The following NAP1L4 variants were observed in gnomAD, a reference collection of about 807,000 sequenced individuals.
NAP1L4 encodes nucleosome assembly protein 1-like 4.
A neutral mutation model predicts 58.2 loss-of-function variants in NAP1L4; 15 were observed. That is an observed-to-expected ratio of 0.26 (90% CI 0.17 to 0.40). NAP1L4 has a LOEUF of 0.40. Ranked by LOEUF, NAP1L4 falls within the 10% of genes least tolerant of loss-of-function variation. NAP1L4 has a pLI of 1.00. For missense variants in NAP1L4, 384 were observed against 451.1 expected (o/e 0.85, Z 1.35); for synonymous variants, 171 against 155.6 (o/e 1.10, Z -0.74).
chr11:2,959,674 C>T lies in NAP1L4; in HGVS notation c.746+96G>A, dbSNP rs561953272. 1.4e-4 allele frequency: 203 copies of T among 1,439,384 alleles called. No homozygotes were observed. The highest frequency in any genetic ancestry group is 6.9e-4 in the African/African-American group (49 of 70,630). The allele number at this position is 1,439,384 out of a possible 1,614,324, so 89.2% of individuals were successfully genotyped here. A position where few individuals can be genotyped will look rare whatever the true frequency, so the allele number is the denominator to read the frequency against. On this transcript the variant is annotated intron_variant, in intron 9 of 15. Transcript: ENST00000380542. This position sits in a 1 kb window ranked among gnomAD's most constrained non-coding sequence, Gnocchi z 4.9. Reference sequence around the variant, plus strand: ...TTTAGGCTTTTAAGCAGACTCAAGACTGTACTTTATTCCTTACTTCTATCT... The same window carrying T: ...TTTAGGCTTTTAAGCAGACTCAAGATTGTACTTTATTCCTTACTTCTATCT...
intron 1 of NAP1L4, chr11:2,989,312 A>T (rs997184306): frequency 2.0e-5 from 3 of 152,212 alleles, no homozygotes; most frequent in Non-Finnish European, 4.4e-5. Context: ...TAGCAATCTC[A>T]GGCCAAACTC....
At chr11:2,979,601 C>T (rs1437507087) in intron 1 of NAP1L4, among the ~76,000 whole-genome samples, 1 of 151,938 alleles carries the variant, frequency 6.6e-6, no homozygotes, top group African/African-American at 2.4e-5. Context: ...GGTGAAACCC[C>T]ATCTCTACTA....
chr11:2,957,862 A>C (rs907164182), intron 10 of NAP1L4, among the ~76,000 whole-genome samples: 3 of 152,252 alleles, frequency 2.0e-5, no homozygotes, highest in African/African-American at 7.2e-5. Flanking sequence ...AAATTCTATC[A>C]AATTATGCAT....
intron 4 of NAP1L4, among the ~76,000 whole-genome samples, chr11:2,972,728 C>T (rs1055394658): frequency 3.3e-5 from 5 of 152,198 alleles, no homozygotes; most frequent in Non-Finnish European, 5.9e-5. Flanking sequence ...TCCCACCACT[C>T]TGGGAGGCCA....
rs1320406290 is a variant in NAP1L4 at position 2,971,736 on chromosome 11, A to T, written c.316-202T>A. Among the ~76,000 whole-genome samples, 1 of 152,216 alleles carries T rather than the reference A, an allele frequency of 6.6e-6. No individual in the cohort carries two copies. The highest frequency in any genetic ancestry group is 1.5e-5 in the Non-Finnish European group (1 of 68,042). ...CCTGGATGTTTCACCTAAAGATGTA[A>T]AATAAAGACAGTCCCCGATTTCCAA... On this transcript the variant is annotated intron_variant, in intron 5 of 15. Transcript: ENST00000380542. This position sits in a 1 kb window ranked among gnomAD's most constrained non-coding sequence, Gnocchi z 4.2.
rs8505 is a variant in NAP1L4, at chr11:2,945,063, C to G, written c.*616G>C. Reference sequence around the variant, plus strand: ...CCCACCCCTAAAAAAAAAAAAAAATCAAGAAGCAACATCCTAAGGAGAACA... The same window carrying G: ...CCCACCCCTAAAAAAAAAAAAAAATGAAGAAGCAACATCCTAAGGAGAACA... On this transcript the variant is annotated 3_prime_UTR_variant, in exon 16 of 16. Coordinates refer to ENST00000380542, the MANE Select transcript of NAP1L4 (RefSeq NM_005969.4). 0.25 allele frequency: 37,812 copies of G among 151,564 alleles called. 6,391 individuals carry two copies. The highest frequency in any genetic ancestry group is 0.67 in the East Asian group (3,463 of 5,158). 9.4% of individuals were successfully genotyped at this position (151,564 alleles called of 1,614,324 possible). A position where few individuals can be genotyped will look rare whatever the true frequency, so the allele number is the denominator to read the frequency against.
chr11:2,986,838 G>C (rs1374543458), intron 1 of NAP1L4, among the ~76,000 whole-genome samples: 1 of 151,042 alleles, frequency 6.6e-6, no homozygotes, highest in Non-Finnish European at 1.5e-5. Flanking sequence ...ATGTTGGCCA[G>C]ACTTGGTCTC....
At chr11:2,958,243 G>C in intron 10 of NAP1L4, 156 bp downstream of exon 10, 1 of 765,588 alleles carries the variant, frequency 1.3e-6, no homozygotes, top group Admixed American at 2.0e-5. Flanking sequence ...ACTTGCCAGC[G>C]CACCAACAGA....
At chr11:2,967,767 G>A (rs1847377771) in intron 7 of NAP1L4, among the ~76,000 whole-genome samples, 1 of 152,034 alleles carries the variant, frequency 6.6e-6, no homozygotes, top group South Asian at 2.1e-4. Context: ...TTTTAAAGCT[G>A]TTAAAACAAA....
At position 2,954,303 on chromosome 11, in the gene NAP1L4, C is replaced by T. The variant is rs1012138602; in HGVS notation, c.1035+224G>A. The T allele has an allele frequency of 4.6e-6, 3 of 654,966 alleles. No homozygotes were observed. Among genetic ancestry groups the T allele is most frequent in the African/African-American group, 3.6e-5 (2 of 55,082 alleles). 40.6% of individuals were successfully genotyped at this position (654,966 alleles called of 1,614,324 possible). ...TCACATAGGAAACTGGCAATCACCT[C>T]TGAAACTGCTTCACAGACACCTGCT... On this transcript the variant is annotated intron_variant, in intron 12 of 15. Coordinates refer to ENST00000380542, the MANE Select transcript of NAP1L4 (RefSeq NM_005969.4). The surrounding 1 kb of genome is among the most constrained non-coding windows in gnomAD (Gnocchi z 4.8).
chr11:2,955,168 A>C lies in NAP1L4; in HGVS notation c.916-522T>G, dbSNP rs1846459553. Among the ~76,000 whole-genome samples, 2 of 151,966 alleles carry C rather than the reference A, an allele frequency of 1.3e-5. No homozygotes were observed. The highest frequency in any genetic ancestry group is 4.2e-4 in the South Asian group (2 of 4,804). The stretch of plus-strand genomic sequence containing the variant: ...AGCTCCTGGGCCCCAGCGACCCTGG[A>C]ACTACACAGTGCACCACCATGTCCA... On this transcript the variant is annotated intron_variant, in intron 11 of 15. Transcript: ENST00000380542. This position sits in a 1 kb window ranked among gnomAD's most constrained non-coding sequence, Gnocchi z 4.2.
At chr11:2,964,236 G>C (rs1847124934) in intron 8 of NAP1L4, among the ~76,000 whole-genome samples, 1 of 152,054 alleles carries the variant, frequency 6.6e-6, no homozygotes, top group African/African-American at 2.4e-5. Context: ...TTAGATGCAT[G>C]CAAACTTCAG....
intron 6 of NAP1L4, 134 bp from the exon 7 acceptor site, chr11:2,970,068 A>C: frequency 1.2e-6 from 1 of 837,900 alleles, no homozygotes. Context: ...GCACCTCCAA[A>C]CCACTCACTG....
intron 1 of NAP1L4, among the ~76,000 whole-genome samples, chr11:2,984,343 C>T (rs1296735020): frequency 1.3e-5 from 2 of 152,000 alleles, no homozygotes; most frequent in Non-Finnish European, 2.9e-5. Flanking sequence ...GAGGCCGAGG[C>T]GAGCGGATCA....
Position 2,945,666 on chromosome 11 carries a change from G to T in NAP1L4, c.*33-20C>A. 1 of 1,534,618 alleles carries T rather than the reference G, an allele frequency of 6.5e-7. No homozygotes were observed. The highest frequency in any genetic ancestry group is 2.4e-5 in the East Asian group (1 of 40,870). ...TTCCTTCTGTCAATGAAAAAGACAAGGCTTGTAGAGAGCAAAGCCAGCTCC... is the reference window on the plus strand; with the variant it reads ...TTCCTTCTGTCAATGAAAAAGACAATGCTTGTAGAGAGCAAAGCCAGCTCC... On this transcript the variant is annotated intron_variant, in intron 15 of 15. Coordinates refer to ENST00000380542, the MANE Select transcript of NAP1L4 (RefSeq NM_005969.4).
chr11:2,990,291 C>G (rs527563153), intron 1 of NAP1L4: 11 of 152,286 alleles, frequency 7.2e-5, no homozygotes, highest in Non-Finnish European at 1.5e-4. Flanking sequence ...TCATAAGGCC[C>G]TGAAATTCTA....
chr11:2,982,780 T>C (rs1848402711), intron 1 of NAP1L4, among the ~76,000 whole-genome samples: 1 of 152,126 alleles, frequency 6.6e-6, no homozygotes, highest in Non-Finnish European at 1.5e-5. Flanking sequence ...CCCAGCACTT[T>C]GGGAGGCCAA....
Position 2,969,789 on chromosome 11 carries a change from A to G in NAP1L4, c.534+14T>C. ...CTAGCACATAATCTCTCTACAAGACAGAAGTGTGCTTACCTGGACTAATTC... is the reference window on the plus strand; with the variant it reads ...CTAGCACATAATCTCTCTACAAGACGGAAGTGTGCTTACCTGGACTAATTC... On this transcript the variant is annotated intron_variant, in intron 7 of 15. Coordinates refer to ENST00000380542, the MANE Select transcript of NAP1L4 (RefSeq NM_005969.4). The G allele has an allele frequency of 6.2e-7, 1 of 1,605,914 alleles. No individual in the cohort carries two copies. Among genetic ancestry groups the G allele is most frequent in the African/African-American group, 1.3e-5 (1 of 74,566 alleles).
At chr11:2,947,844 C>G (rs1298461728) in intron 15 of NAP1L4, among the ~76,000 whole-genome samples, 1 of 152,228 alleles carries the variant, frequency 6.6e-6, no homozygotes, top group Non-Finnish European at 1.5e-5. Flanking sequence ...GCAACAAAGA[C>G]ATGCCGCTGA....
Sources: allele counts gnomAD v4.1 joint callset (sites outside exome capture counted in the v4.1 genomes callset), GRCh38; gene constraint gnomAD v4.1.1; non-coding constraint Gnocchi (gnomAD v3.1); transcripts MANE v1.5; gene names NCBI Gene and HGNC (gene_info 2026-07-23, HGNC 2026-07-21).